The following SCHIP1 variants were observed in gnomAD, a reference collection of about 807,000 sequenced individuals.
SCHIP1 encodes the protein schwannomin-interacting protein 1.
Under a neutral mutation model 29.7 loss-of-function variants are expected in SCHIP1, and 8 were observed. The ratio of observed to expected loss-of-function variants is 0.27; its 90% confidence interval spans 0.16 to 0.49. SCHIP1 has a LOEUF of 0.49. SCHIP1 is among the 20% of genes least tolerant of loss of function. The pLI is 0.99. For synonymous variants in SCHIP1, 76 were observed against 94.9 expected (o/e 0.80, Z 1.16); for missense variants, 193 against 294.6 (o/e 0.66, Z 2.52).
chr3:159,799,107 G>T, the SCHIP1 span, among the ~76,000 whole-genome samples: 1 of 152,128 alleles, frequency 6.6e-6, no homozygotes, highest in South Asian at 2.1e-4. Context: ...TTACTCTGGT[G>T]TTCAAGAGGC....
chr3:159,710,142 A>G, the SCHIP1 span, among the ~76,000 whole-genome samples: 1 of 152,216 alleles, frequency 6.6e-6, no homozygotes, highest in Non-Finnish European at 1.5e-5. Flanking sequence ...GCACTTCCAT[A>G]TTCACTGCAG....
At chr3:159,685,242 T>C in the SCHIP1 span, among the ~76,000 whole-genome samples, 1 of 152,236 alleles carries the variant, frequency 6.6e-6, no homozygotes, top group African/African-American at 2.4e-5. Flanking sequence ...GTTGTTCTCC[T>C]ACTTGTTTTG....
chr3:159,350,122 T>C, the SCHIP1 span, among the ~76,000 whole-genome samples: 7 of 152,182 alleles, frequency 4.6e-5, no homozygotes, highest in Admixed American at 1.3e-4. Flanking sequence ...TATTAAGCAC[T>C]CTGTGCTTAG....
the SCHIP1 span, chr3:159,274,602 AC>A: frequency 1.2e-6 from 1 of 831,538 alleles, no homozygotes; most frequent in Non-Finnish European, 1.4e-6. Context: ...CATCTTTTAG[AC>A]TATCAAATTT....
At chr3:159,416,514 T>C in the SCHIP1 span, among the ~76,000 whole-genome samples, 1 of 152,244 alleles carries the variant, frequency 6.6e-6, no homozygotes. Context: ...GCTGACTAAA[T>C]AAGCAGACTT....
the SCHIP1 span, among the ~76,000 whole-genome samples, chr3:159,549,533 C>G: frequency 6.6e-6 from 1 of 152,138 alleles, no homozygotes; most frequent in Non-Finnish European, 1.5e-5. Flanking sequence ...TTCCCTCACA[C>G]ACGCACAAAG....
At chr3:159,573,375 T>C in the SCHIP1 span, among the ~76,000 whole-genome samples, 1 of 152,208 alleles carries the variant, frequency 6.6e-6, no homozygotes, top group Non-Finnish European at 1.5e-5. Context: ...CTTATGAAGC[T>C]TTGTTTGGCT....
the SCHIP1 span, among the ~76,000 whole-genome samples, chr3:159,427,720 A>T: frequency 1.3e-5 from 2 of 151,668 alleles, no homozygotes; most frequent in African/African-American, 2.4e-5. Context: ...GAACCAAAAA[A>T]GAGCCCGCAT....
the SCHIP1 span, among the ~76,000 whole-genome samples, chr3:159,791,562 G>GA: frequency 6.6e-6 from 1 of 152,210 alleles, no homozygotes; most frequent in African/African-American, 2.4e-5. Context: ...CTGCTGGAGG[G>GA]GTGTCCTACA....
the SCHIP1 span, among the ~76,000 whole-genome samples, chr3:159,598,816 G>T: frequency 6.6e-6 from 1 of 152,160 alleles, no homozygotes; most frequent in South Asian, 2.1e-4. Flanking sequence ...GCCATGTAGT[G>T]AAAGATTTAC....
intron 1 of SCHIP1, chr3:159,853,055 G>A (rs966144969): frequency 2.0e-4 from 46 of 233,022 alleles, no homozygotes; most frequent in African/African-American, 1.0e-3. Context: ...GAAAGGTGCT[G>A]TGGAGAGGAA....
Position 159,843,001 on chromosome 3 carries a change from CTTTTTTTTTTT to C in SCHIP1, c.30+2805_30+2815del, listed in dbSNP as rs566940351. ...TCCAGTTCTATCCCAATATTTCTTTCTTTTTTTTTTTTTTTTTTTTTTTTTTTTGAGATGGA... is the reference window on the plus strand; with the variant it reads ...TCCAGTTCTATCCCAATATTTCTTTCTTTTTTTTTTTTTTTTTGAGATGGA... On this transcript the variant is annotated intron_variant, in intron 1 of 6. Coordinates refer to ENST00000445224, the Ensembl canonical transcript of SCHIP1. 1.0e-2 allele frequency among the ~76,000 whole-genome samples: 635 copies of C among 63,726 alleles called. 15 individuals are homozygous for C. The highest frequency in any genetic ancestry group is 0.029 in the African/African-American group (605 of 21,196). 41.8% of individuals were successfully genotyped at this position (63,726 alleles called of 152,430 possible). A position where few individuals can be genotyped will look rare whatever the true frequency, so the allele number is the denominator to read the frequency against.
At chr3:159,420,319 G>A in the SCHIP1 span, among the ~76,000 whole-genome samples, 2 of 152,186 alleles carry the variant, frequency 1.3e-5, no homozygotes. Flanking sequence ...GGGGAAAAGC[G>A]CGATCTTTCT....
chr3:159,553,298 C>A, the SCHIP1 span, among the ~76,000 whole-genome samples: 1 of 149,620 alleles, frequency 6.7e-6, no homozygotes, highest in Admixed American at 6.6e-5. Context: ...AGAAAAAAAA[C>A]TGACCCATTT....
chr3:159,600,518 C>A, the SCHIP1 span, among the ~76,000 whole-genome samples: 3 of 152,100 alleles, frequency 2.0e-5, no homozygotes, highest in South Asian at 2.1e-4. Context: ...TCAATGAATT[C>A]TTCAGTTCTA....
At chr3:159,665,850 T>A in the SCHIP1 span, among the ~76,000 whole-genome samples, 1 of 152,140 alleles carries the variant, frequency 6.6e-6, no homozygotes, top group Non-Finnish European at 1.5e-5. Context: ...TTCCCATTAG[T>A]CCTCAAAATA....
the SCHIP1 span, among the ~76,000 whole-genome samples, chr3:159,575,196 C>T: frequency 2.6e-5 from 4 of 152,178 alleles, no homozygotes; most frequent in Admixed American, 6.5e-5. Context: ...AATCACGCTG[C>T]GATCTGCAGA....
At chr3:159,461,262 C>T in the SCHIP1 span, among the ~76,000 whole-genome samples, 15 of 152,112 alleles carry the variant, frequency 9.9e-5, no homozygotes, top group South Asian at 3.1e-3. Flanking sequence ...CCTTTTCATG[C>T]CTTCATTTCC....
At chr3:159,813,045 A>T in the SCHIP1 span, among the ~76,000 whole-genome samples, 1 of 152,302 alleles carries the variant, frequency 6.6e-6, no homozygotes, top group African/African-American at 2.4e-5. Flanking sequence ...AGATGGTATT[A>T]ATCCCTTTCT....
Sources: allele counts gnomAD v4.1 joint callset (sites outside exome capture counted in the v4.1 genomes callset), GRCh38; gene constraint gnomAD v4.1.1; transcripts MANE v1.5; gene names NCBI Gene and HGNC (gene_info 2026-07-23, HGNC 2026-07-21).